Variants in TENM2 observed in about 807,000 individuals in gnomAD.
TENM2 encodes the protein teneurin transmembrane protein 2.
A neutral mutation model predicts 245.2 loss-of-function variants in TENM2; 52 were observed. The observed-to-expected ratio is 0.21, with a 90% confidence interval of 0.17 to 0.27. The LOEUF is 0.27. Ranked by LOEUF, TENM2 falls within the 10% of genes least tolerant of loss-of-function variation. TENM2 has a pLI of 1.00. For missense variants in TENM2, 3,046 were observed against 3,666.8 expected (o/e 0.83, Z 4.37); for synonymous variants, 1,363 against 1,438.9 (o/e 0.95, Z 1.19).
intron 2 of TENM2, among the ~76,000 whole-genome samples, chr5:167,445,324 T>TAGAGAGAGAG (rs1561961540): frequency 3.1e-4 from 11 of 35,288 alleles, no homozygotes; most frequent in Admixed American, 1.5e-3. Flanking sequence ...TATATATATA[T>TAGAGAGAGAG]ATATATATAT....
rs372152312 is a variant in TENM2, at chr5:167,370,389, G to A, written c.227-4809G>A. Among the ~76,000 whole-genome samples, 18 of 147,770 alleles carry A rather than the reference G, an allele frequency of 1.2e-4. No individual in the cohort carries two copies. The East Asian group carries it at 2.9e-3, about 24-fold the overall frequency. ...AAAAAAAAGACGTGGAGAGGATCTG[G>A]ATTATACACTGTGGTTACGATCAAG... On this transcript the variant is annotated intron_variant, in intron 1 of 28. Coordinates refer to ENST00000518659, the Ensembl canonical transcript of TENM2.
intron 2 of TENM2, among the ~76,000 whole-genome samples, chr5:167,809,060 G>A (rs1473368236): frequency 1.3e-5 from 2 of 152,140 alleles, no homozygotes; most frequent in Non-Finnish European, 2.9e-5. Flanking sequence ...TAACATCAGT[G>A]AAATGCAGTC....
At chr5:167,487,044 A>G (rs6555756) in intron 2 of TENM2, among the ~76,000 whole-genome samples, 137,862 of 152,266 alleles carry the variant, frequency 0.91, 63,222 homozygotes, top group Non-Finnish European at 0.99. Context: ...AGAATAACAT[A>G]TGAGATGGAT....
intron 1 of TENM2, among the ~76,000 whole-genome samples, chr5:167,338,645 C>A (rs1047118599): frequency 1.3e-5 from 2 of 152,162 alleles, no homozygotes; most frequent in Non-Finnish European, 2.9e-5. Context: ...GGGAAGGTAA[C>A]CCCAATTATA....
intron 2 of TENM2, among the ~76,000 whole-genome samples, chr5:167,669,862 G>T (rs1582703973): frequency 1.4e-5 from 2 of 148,142 alleles, no homozygotes; most frequent in South Asian, 2.1e-4. Flanking sequence ...CACTTTTGAG[G>T]TTTTTTTTTT....
chr5:167,368,566 G>A (rs1177773037), intron 1 of TENM2, among the ~76,000 whole-genome samples: 1 of 152,010 alleles, frequency 6.6e-6, no homozygotes, highest in African/African-American at 2.4e-5. Context: ...CTGGCCAATT[G>A]AAATATTACA....
chr5:167,888,152 A>C (rs983092040), intron 3 of TENM2, among the ~76,000 whole-genome samples: 1 of 152,216 alleles, frequency 6.6e-6, no homozygotes, highest in Non-Finnish European at 1.5e-5. Flanking sequence ...TCAGGACTTC[A>C]TATCTTTTGG....
the TENM2 span, among the ~76,000 whole-genome samples, chr5:167,177,826 G>T: frequency 2.1e-3 from 319 of 152,276 alleles, 6 homozygotes; most frequent in East Asian, 0.054. Flanking sequence ...CCTGAATAGC[G>T]AAGTGAGCTC....
the TENM2 span, among the ~76,000 whole-genome samples, chr5:167,187,667 TCTC>T: frequency 6.6e-6 from 1 of 152,048 alleles, no homozygotes; most frequent in Non-Finnish European, 1.5e-5. Flanking sequence ...CTCCTTCTCT[TCTC>T]CCTCCTACTC....
chr5:167,030,694 G>A, the TENM2 span, among the ~76,000 whole-genome samples: 1 of 152,120 alleles, frequency 6.6e-6, no homozygotes, highest in East Asian at 1.9e-4. Context: ...AGTAACGCGA[G>A]CAGAGCAAGG....
intron 2 of TENM2, among the ~76,000 whole-genome samples, chr5:167,550,766 G>T (rs1772887377): frequency 7.0e-6 from 1 of 142,116 alleles, no homozygotes; most frequent in Non-Finnish European, 1.5e-5. Context: ...GTGTTGCTCT[G>T]TTACCCAGGC....
intron 2 of TENM2, among the ~76,000 whole-genome samples, chr5:167,723,553 C>T (rs968814866): frequency 6.6e-6 from 1 of 152,218 alleles, no homozygotes; most frequent in Non-Finnish European, 1.5e-5. Context: ...AGCAGGAAGG[C>T]TGTCCACCAT....
At chr5:168,189,771 A>T (rs541667145) in intron 13 of TENM2, among the ~76,000 whole-genome samples, 4 of 152,084 alleles carry the variant, frequency 2.6e-5, no homozygotes, top group Admixed American at 6.5e-5. Context: ...TTAATTTGAT[A>T]AAAAAATTGT....
chr5:167,700,599 T>G (rs1355483093), intron 2 of TENM2, among the ~76,000 whole-genome samples: 1 of 152,192 alleles, frequency 6.6e-6, no homozygotes, highest in Non-Finnish European at 1.5e-5. Flanking sequence ...TCCTTGCTTC[T>G]CACTGCTCTT....
At chr5:167,494,566 G>A (rs1364683597) in intron 2 of TENM2, among the ~76,000 whole-genome samples, 1 of 152,006 alleles carries the variant, frequency 6.6e-6, no homozygotes, top group South Asian at 2.1e-4. Context: ...CCAGTCCAAT[G>A]CAAGAAGATT....
At position 168,152,498 on chromosome 5, in the gene TENM2, C is replaced by G. The variant is rs543008976; in HGVS notation, c.2423-10113C>G. Among the ~76,000 whole-genome samples, 3 of 152,268 alleles carry G rather than the reference C, an allele frequency of 2.0e-5. No homozygotes were observed. In the South Asian group the frequency reaches 6.2e-4, roughly 32 times the overall value. On this transcript the variant is annotated intron_variant, in intron 12 of 28. Transcript: ENST00000518659. Reference sequence around the variant, plus strand: ...TCGGTGTTATTTGTATTTTTATGACCCTCCTGTGGCTATAAGGATGCTCAG... The same window carrying G: ...TCGGTGTTATTTGTATTTTTATGACGCTCCTGTGGCTATAAGGATGCTCAG...
At chr5:167,627,382 A>T (rs1246470947) in intron 2 of TENM2, among the ~76,000 whole-genome samples, 2 of 152,192 alleles carry the variant, frequency 1.3e-5, no homozygotes, top group Non-Finnish European at 2.9e-5. Context: ...ACCAGATACT[A>T]GAGTTCACCT....
intron 2 of TENM2, among the ~76,000 whole-genome samples, chr5:167,530,511 G>A (rs1299685310): frequency 1.3e-5 from 2 of 152,164 alleles, no homozygotes; most frequent in Non-Finnish European, 2.9e-5. Context: ...TGGCCCCAAA[G>A]TGGATTTTCT....
chr5:168,013,919 G>T (rs968333076), intron 5 of TENM2, among the ~76,000 whole-genome samples: 1 of 152,180 alleles, frequency 6.6e-6, no homozygotes, highest in Non-Finnish European at 1.5e-5. Flanking sequence ...GAGTTCTTTG[G>T]TTTGTGGCAG....
Sources: allele counts gnomAD v4.1 joint callset (sites outside exome capture counted in the v4.1 genomes callset), GRCh38; gene constraint gnomAD v4.1.1; transcripts MANE v1.5; gene names NCBI Gene and HGNC (gene_info 2026-07-23, HGNC 2026-07-21).